Variants in PCDHGB2 observed in about 807,000 individuals in gnomAD.
PCDHGB2 encodes protocadherin gamma-B2.
Under a neutral mutation model 59.3 loss-of-function variants are expected in PCDHGB2, and 55 were observed. The observed-to-expected ratio is 0.93, with a 90% confidence interval of 0.75 to 1.16. PCDHGB2 has a LOEUF of 1.16. Among genes scored for constraint, PCDHGB2 ranks in the 50% most tolerant of loss-of-function variants. PCDHGB2 has a pLI of 0.00. For synonymous variants in PCDHGB2, 516 were observed against 512.0 expected (o/e 1.01, Z -0.11); for missense variants, 1,228 against 1,198.5 (o/e 1.02, Z -0.36).
rs192201180 is a variant in PCDHGB2 at position 141,364,242 on chromosome 5, G to A, written c.2421+1686G>A. On this transcript the variant is annotated intron_variant, in intron 1 of 3. Transcript: ENST00000522605. ...AAGCCAACGCTCCACGCCCATTTTC[G>A]TCAGGGAATATGTACCCATCGGCTT... 8 of 1,451,338 alleles carry A rather than the reference G, an allele frequency of 5.5e-6. No homozygotes were observed. The East Asian group carries it at 7.2e-5, about 13-fold the overall frequency. 89.9% of individuals were successfully genotyped at this position (1,451,338 alleles called of 1,614,324 possible).
At chr5:141,429,770 A>T (rs2097244120) in intron 1 of PCDHGB2, among the ~76,000 whole-genome samples, 1 of 152,122 alleles carries the variant, frequency 6.6e-6, no homozygotes, top group Admixed American at 6.6e-5. Context: ...CTATATTTTG[A>T]TGGGCTTCCA....
chr5:141,441,789 A>G (rs889545483), intron 1 of PCDHGB2: 4 of 391,886 alleles, frequency 1.0e-5, no homozygotes, highest in Middle Eastern at 6.4e-4. Context: ...CCTGAATGAC[A>G]ACGCACCGCG....
chr5:141,425,812 G>GA (rs574320012), intron 1 of PCDHGB2, among the ~76,000 whole-genome samples: 9 of 152,054 alleles, frequency 5.9e-5, no homozygotes, highest in South Asian at 4.1e-4. Flanking sequence ...CTTCTGCTTA[G>GA]AAAAAAACAA....
In PCDHGB2 at chr5:141,391,294, C is replaced by T. The variant is rs1189563844; in HGVS notation, c.2421+28738C>T. On this transcript the variant is annotated intron_variant, in intron 1 of 3. Transcript: ENST00000522605. Reference sequence around the variant, plus strand: ...TTTACAAATTGCTGAAAGAAGGAAACGTCTTTCGATTCTTTTTTTTTTCTT... The same window carrying T: ...TTTACAAATTGCTGAAAGAAGGAAATGTCTTTCGATTCTTTTTTTTTTCTT... 5.9e-5 allele frequency: 9 copies of T among 151,668 alleles called. 2 individuals are homozygous for T. The highest frequency in any genetic ancestry group is 5.3e-4 in the Admixed American group (8 of 15,220). 9.4% of individuals were successfully genotyped at this position (151,668 alleles called of 1,614,324 possible).
In PCDHGB2 at chr5:141,372,328, C is replaced by A. The variant is rs1170186099; in HGVS notation, c.2421+9772C>A. ...GCCGCCCGCCAGCGCCTGCTGGTCA[C>A]TGTGCGTGATGGAGGACAGCAGCCT... On this transcript the variant is annotated intron_variant, in intron 1 of 3. Coordinates refer to ENST00000522605, the MANE Select transcript of PCDHGB2 (RefSeq NM_018923.3). 4 of 1,613,626 alleles carry A rather than the reference C, an allele frequency of 2.5e-6. No homozygotes were observed. In the South Asian group the frequency reaches 4.4e-5, roughly 18 times the overall value.
chr5:141,472,564 A>G (rs1471933375), intron 1 of PCDHGB2, among the ~76,000 whole-genome samples: 6 of 152,050 alleles, frequency 3.9e-5, no homozygotes, highest in Admixed American at 2.6e-4. Context: ...TATATTATAA[A>G]TGCTGCATCT....
intron 1 of PCDHGB2, chr5:141,365,729 A>G: frequency 1.2e-6 from 2 of 1,613,792 alleles, no homozygotes; most frequent in South Asian, 2.2e-5. Flanking sequence ...AAACAATCCC[A>G]GAGGTGTCTC....
Position 141,406,431 on chromosome 5 carries a change from T to A in PCDHGB2, c.2421+43875T>A, listed in dbSNP as rs1316370664. 2.0e-5 allele frequency among the ~76,000 whole-genome samples: 3 copies of A among 152,352 alleles called. No individual in the cohort carries two copies. In the South Asian group the frequency reaches 6.2e-4, roughly 32 times the overall value. ...CAGCTGAAAGCCCAGATTTATTGCT[T>A]CTATTCTTCCATTTCTATGACAGGA... On this transcript the variant is annotated intron_variant, in intron 1 of 3. Coordinates refer to ENST00000522605, the MANE Select transcript of PCDHGB2 (RefSeq NM_018923.3).
In PCDHGB2 at chr5:141,431,932, C is replaced by A; in HGVS notation, c.2422-62875C>A. 1 of 1,614,172 alleles carries A rather than the reference C, an allele frequency of 6.2e-7. No homozygotes were observed. Among genetic ancestry groups the A allele is most frequent in the Non-Finnish European group, 8.5e-7 (1 of 1,180,002 alleles). The stretch of plus-strand genomic sequence containing the variant: ...TCTGTTTCATCCAAGGAAATCTGCC[C>A]TTTAAATTAGAAAAATCTTACGGAA... On this transcript the variant is annotated intron_variant, in intron 1 of 3. Transcript: ENST00000522605. The surrounding 1 kb of genome is among the most constrained non-coding windows in gnomAD (Gnocchi z 4.8).
rs770930842 is a variant in PCDHGB2 at position 141,432,673 on chromosome 5, C to G, written c.2422-62134C>G. 10 of 1,613,804 alleles carry G rather than the reference C, an allele frequency of 6.2e-6. No homozygotes were observed. The East Asian group carries it at 1.3e-4, about 22-fold the overall frequency. ...GAGCCCTGCTGGACAGAGACGCGCT[C>G]AAGCAGAGCCTCGTAGTGGCCGTCC... is the stretch of plus-strand genomic sequence containing the variant. On this transcript the variant is annotated intron_variant, in intron 1 of 3. Transcript: ENST00000522605. The surrounding 1 kb of genome is among the most constrained non-coding windows in gnomAD (Gnocchi z 6.0).
rs1226359801 is a variant in PCDHGB2, at chr5:141,388,320, G to A, written c.2421+25764G>A. On this transcript the variant is annotated intron_variant, in intron 1 of 3. Coordinates refer to ENST00000522605, the MANE Select transcript of PCDHGB2 (RefSeq NM_018923.3). ...CTTTGAGCTGCAAATAAGTGAGTCT[G>A]CACAGCCTGGCACACGATTTATATT... is the stretch of plus-strand genomic sequence containing the variant. 9.3e-6 allele frequency: 15 copies of A among 1,613,768 alleles called. 1 individual carries two copies. The Admixed American group carries it at 2.5e-4, about 27-fold the overall frequency.
At position 141,408,449 on chromosome 5, in the gene PCDHGB2, G is replaced by C. The variant is rs1561713163; in HGVS notation, c.2421+45893G>C. On this transcript the variant is annotated intron_variant, in intron 1 of 3. Coordinates refer to ENST00000522605, the MANE Select transcript of PCDHGB2 (RefSeq NM_018923.3). Reference sequence around the variant, plus strand: ...CTTCAGCGTAGACGCGGAGAGCGGGGACTTACTTGTGAAGAACCGAATAGA... The same window carrying C: ...CTTCAGCGTAGACGCGGAGAGCGGGCACTTACTTGTGAAGAACCGAATAGA... The C allele has an allele frequency of 1.9e-6, 3 of 1,613,966 alleles. No individual in the cohort carries two copies. In the Admixed American group the frequency reaches 5.0e-5, roughly 27 times the overall value.
Position 141,432,046 on chromosome 5 carries a change from C to G in PCDHGB2, c.2422-62761C>G, listed in dbSNP as rs1389286417. The G allele has an allele frequency of 6.2e-7, 1 of 1,614,224 alleles. No individual in the cohort carries two copies. The highest frequency in any genetic ancestry group is 2.2e-5 in the East Asian group (1 of 44,886). The stretch of plus-strand genomic sequence containing the variant: ...CAGTGACCGCCACTGACCGGGGAAC[C>G]CCGCCCCTATCCACGGAAACTCATA... On this transcript the variant is annotated intron_variant, in intron 1 of 3. Coordinates refer to ENST00000522605, the MANE Select transcript of PCDHGB2 (RefSeq NM_018923.3). This position sits in a 1 kb window ranked among gnomAD's most constrained non-coding sequence, Gnocchi z 6.0.
At chr5:141,385,826 TTACAG>T (rs2090363283) in intron 1 of PCDHGB2, 1 of 155,578 alleles carries the variant, frequency 6.4e-6, no homozygotes, top group Non-Finnish European at 1.4e-5. Flanking sequence ...CTTGACCTAT[TTACAG>T]TATAATCATT....
chr5:141,382,871 G>T (rs764156663), intron 1 of PCDHGB2: 3 of 1,520,506 alleles, frequency 2.0e-6, no homozygotes, highest in East Asian at 2.3e-5. Flanking sequence ...TCCCGAGATC[G>T]GCGCCTAAGC....
chr5:141,484,695 G>A (rs1371166304), intron 1 of PCDHGB2, among the ~76,000 whole-genome samples: 3 of 151,920 alleles, frequency 2.0e-5, no homozygotes, highest in Non-Finnish European at 4.4e-5. Context: ...TCAGGCTGTG[G>A]CTGTTTTCCC....
At chr5:141,372,139 C>A (rs2149999954) in intron 1 of PCDHGB2, 1 of 1,613,756 alleles carries the variant, frequency 6.2e-7, no homozygotes, top group African/African-American at 1.3e-5. Flanking sequence ...CCGCGCTCTG[C>A]AGAGCCTGGC....
At position 141,476,518 on chromosome 5, in the gene PCDHGB2, T is replaced by C; in HGVS notation, c.2422-18289T>C. 1 of 1,614,214 alleles carries C rather than the reference T, an allele frequency of 6.2e-7. No individual in the cohort carries two copies. Among genetic ancestry groups the C allele is most frequent in the Non-Finnish European group, 8.5e-7 (1 of 1,180,038 alleles). ...AGGACATCAACGACAACAATCCTGC[T>C]TTCCCTACCCAGGAAATGAAATTGG... is the stretch of plus-strand genomic sequence containing the variant. On this transcript the variant is annotated intron_variant, in intron 1 of 3. Transcript: ENST00000522605. This position sits in a 1 kb window ranked among gnomAD's most constrained non-coding sequence, Gnocchi z 7.6.
rs2093886414 is a variant in PCDHGB2 at position 141,399,784 on chromosome 5, G to C, written c.2421+37228G>C. On this transcript the variant is annotated intron_variant, in intron 1 of 3. Transcript: ENST00000522605. ...GCGCGTGTTGGTGGGCGACCGAAAC[G>C]ACAACGCACCGCGGGTGCTGTACCC... The C allele has an allele frequency of 2.5e-6, 4 of 1,613,288 alleles. No homozygotes were observed. The East Asian group carries it at 6.7e-5, about 27-fold the overall frequency.
Sources: allele counts gnomAD v4.1 joint callset (sites outside exome capture counted in the v4.1 genomes callset), GRCh38; gene constraint gnomAD v4.1.1; non-coding constraint Gnocchi (gnomAD v3.1); transcripts MANE v1.5; gene names NCBI Gene and HGNC (gene_info 2026-07-23, HGNC 2026-07-21).